DPH6: variants seen among roughly 807,000 people sequenced by gnomAD.
DPH6 encodes the protein diphthine--ammonia ligase.
Under a neutral mutation model 38.2 loss-of-function variants are expected in DPH6, and 33 were observed. The observed-to-expected ratio is 0.86, with a 90% CI of 0.65 to 1.15. The LOEUF (loss-of-function observed/expected upper bound fraction) is 1.15. Among genes scored for constraint, DPH6 ranks in the 50% most tolerant of loss-of-function variants. DPH6 has a pLI of 0.00. For missense variants in DPH6, 325 were observed against 320.0 expected (o/e 1.02, Z -0.12); for synonymous variants, 108 against 103.0 (o/e 1.05, Z -0.30).
intron 3 of DPH6, among the ~76,000 whole-genome samples, chr15:35,361,891 G>A (rs1041314665): frequency 1.4e-5 from 2 of 147,036 alleles, no homozygotes; most frequent in African/African-American, 2.7e-5. Flanking sequence ...GCTTTGTAAT[G>A]ATTACTTTGA....
At chr15:35,157,617 C>G in the DPH6 span, among the ~76,000 whole-genome samples, 1 of 152,002 alleles carries the variant, frequency 6.6e-6, no homozygotes, top group Non-Finnish European at 1.5e-5. Context: ...GCCCACATGC[C>G]TGGTGTTGAG....
intron 3 of DPH6, among the ~76,000 whole-genome samples, chr15:35,229,161 C>T (rs1352990186): frequency 6.6e-6 from 1 of 152,160 alleles, no homozygotes; most frequent in African/African-American, 2.4e-5. Flanking sequence ...CCTACCTCCT[C>T]TTTAAGGCCA....
Position 35,317,100 on chromosome 15 carries a change from A to G in DPH6, n.200+56421T>C, listed in dbSNP as rs188099102. ...TGGTGAAACCCTATCTCTACAAAAA[A>G]TACAAAAAATTAGCCAGGCGTGGTG... On this transcript the variant is annotated intron_variant and non_coding_transcript_variant, in intron 3 of 3. Coordinates refer to the DPH6 transcript ENST00000560386. Among the ~76,000 whole-genome samples, 833 of 151,954 alleles carry G rather than the reference A, an allele frequency of 5.5e-3. 7 individuals carry two copies. The highest frequency in any genetic ancestry group is 0.019 in the African/African-American group (765 of 41,242).
At chr15:35,474,213 C>G (rs887101610) in intron 3 of DPH6, among the ~76,000 whole-genome samples, 2 of 152,002 alleles carry the variant, frequency 1.3e-5, no homozygotes, top group Non-Finnish European at 2.9e-5. Flanking sequence ...GCTTTCTAAA[C>G]CAAGTTAAAT....
At chr15:35,399,018 C>T (rs908590742) in intron 6 of DPH6, among the ~76,000 whole-genome samples, 1 of 152,118 alleles carries the variant, frequency 6.6e-6, no homozygotes, top group Non-Finnish European at 1.5e-5. Flanking sequence ...AAGCCCCATC[C>T]ACATACCTAG....
intron 3 of DPH6, among the ~76,000 whole-genome samples, chr15:35,340,486 A>C (rs2052412492): frequency 6.6e-6 from 1 of 152,030 alleles, no homozygotes; most frequent in Non-Finnish European, 1.5e-5. Flanking sequence ...TAGTCTGTGT[A>C]CTTCATTGTG....
intron 5 of DPH6, among the ~76,000 whole-genome samples, chr15:35,414,303 T>G (rs2053408953): frequency 6.6e-6 from 1 of 151,774 alleles, no homozygotes; most frequent in African/African-American, 2.4e-5. Flanking sequence ...ATATTACTTT[T>G]GGCATTTGTT....
intron 3 of DPH6, among the ~76,000 whole-genome samples, chr15:35,364,693 T>C (rs956587213): frequency 2.0e-5 from 3 of 152,094 alleles, no homozygotes; most frequent in Non-Finnish European, 4.4e-5. Flanking sequence ...CACTTTGTTT[T>C]CAATTTTTTT....
intron 3 of DPH6, among the ~76,000 whole-genome samples, chr15:35,347,454 C>T (rs2052472649): frequency 6.7e-6 from 1 of 150,318 alleles, no homozygotes; most frequent in East Asian, 1.9e-4. Flanking sequence ...ACCCAGCCTC[C>T]TCCTTTTTTT....
intron 3 of DPH6, among the ~76,000 whole-genome samples, chr15:35,510,039 G>C (rs999711909): frequency 6.6e-6 from 1 of 152,070 alleles, no homozygotes; most frequent in Non-Finnish European, 1.5e-5. Flanking sequence ...AACATAGCAC[G>C]ACCCTGTCTC....
intron 2 of DPH6, among the ~76,000 whole-genome samples, chr15:35,542,066 C>T (rs1466867627): frequency 6.6e-6 from 1 of 152,040 alleles, no homozygotes; most frequent in Non-Finnish European, 1.5e-5. Context: ...TCTATGCTGC[C>T]TACAGTACTT....
At chr15:35,397,866 T>C (rs923336564) in intron 6 of DPH6, among the ~76,000 whole-genome samples, 961 of 88,884 alleles carry the variant, frequency 0.011, 22 homozygotes, top group African/African-American at 0.043. Context: ...AATTTATATA[T>C]ATACACACAC....
chr15:35,207,560 C>T, the DPH6 span, among the ~76,000 whole-genome samples: 168 of 152,170 alleles, frequency 1.1e-3, 2 homozygotes, highest in Admixed American at 3.5e-3. Context: ...ATAATCATCC[C>T]CATGAGAATA....
intron 6 of DPH6, among the ~76,000 whole-genome samples, chr15:35,409,812 T>C (rs1368320041): frequency 1.3e-5 from 2 of 152,012 alleles, no homozygotes; most frequent in East Asian, 1.9e-4. Context: ...TCAAATTATC[T>C]AGAAACCAAA....
chr15:35,250,243 A>G (rs1054191123), intron 3 of DPH6, among the ~76,000 whole-genome samples: 3 of 152,104 alleles, frequency 2.0e-5, no homozygotes, highest in Admixed American at 2.0e-4. Context: ...TATAAGATAT[A>G]CCCTAATGGC....
At chr15:35,375,259 T>G (rs771382780) in intron 7 of DPH6, among the ~76,000 whole-genome samples, 5 of 152,136 alleles carry the variant, frequency 3.3e-5, no homozygotes, top group Non-Finnish European at 7.4e-5. Context: ...AGAGAGAATA[T>G]ATGACATTCT....
At position 35,390,226 on chromosome 15, in the gene DPH6, G is replaced by C. The variant is rs1432877400; in HGVS notation, c.568-8310C>G. 1.3e-5 allele frequency among the ~76,000 whole-genome samples: 2 copies of C among 152,144 alleles called. 1 individual carries two copies. The highest frequency in any genetic ancestry group is 4.8e-5 in the African/African-American group (2 of 41,420). Reference sequence around the variant, plus strand: ...CGAGATATCAGCTGTTAGTCTGATGGGCTTCCCTTTGTGGGTAACCCGACC... The same window carrying C: ...CGAGATATCAGCTGTTAGTCTGATGCGCTTCCCTTTGTGGGTAACCCGACC... On this transcript the variant is annotated intron_variant, in intron 6 of 8. Coordinates refer to ENST00000256538, the MANE Select transcript of DPH6 (RefSeq NM_080650.4).
At chr15:35,242,314 G>A (rs1292980458) in intron 3 of DPH6, among the ~76,000 whole-genome samples, 2 of 142,742 alleles carry the variant, frequency 1.4e-5, no homozygotes, top group African/African-American at 5.1e-5. Flanking sequence ...CCTAGGCATG[G>A]TTAGTGCGGT....
At chr15:35,252,667 G>A (rs186288357) in intron 3 of DPH6, among the ~76,000 whole-genome samples, 7 of 152,264 alleles carry the variant, frequency 4.6e-5, no homozygotes, top group Admixed American at 3.3e-4. Flanking sequence ...CTCCCCATCC[G>A]GAAATAGGTC....
Sources: allele counts gnomAD v4.1 joint callset (sites outside exome capture counted in the v4.1 genomes callset), GRCh38; gene constraint gnomAD v4.1.1; transcripts MANE v1.5; gene names NCBI Gene and HGNC (gene_info 2026-07-23, HGNC 2026-07-21).